The following CDK14 variants were observed in gnomAD, a reference collection of about 807,000 sequenced individuals.
The protein encoded by CDK14 is cyclin dependent kinase 14, also known as cyclin-dependent kinase 14.
CDK14 carries 34 observed loss-of-function variants against 60.7 expected under a neutral mutation model. That is an observed-to-expected ratio of 0.56 (90% confidence interval 0.43 to 0.75). The LOEUF (loss-of-function observed/expected upper bound fraction) is 0.75. CDK14 is among the 30% of genes least tolerant of loss of function. CDK14 has a pLI of 0.00. For missense variants in CDK14, 482 were observed against 564.1 expected (o/e 0.85, Z 1.47); for synonymous variants, 197 against 203.7 (o/e 0.97, Z 0.28).
At chr7:90,830,865 TCTC>T (rs889668599) in intron 5 of CDK14, among the ~76,000 whole-genome samples, 2 of 152,180 alleles carry the variant, frequency 1.3e-5, no homozygotes, top group East Asian at 1.9e-4. Context: ...ATGACACTAA[TCTC>T]CTTGCTAAAG....
chr7:91,210,093 T>C lies in CDK14; in HGVS notation c.*2957T>C, dbSNP rs545781560. On this transcript the variant is annotated 3_prime_UTR_variant, in exon 15 of 15. Coordinates refer to ENST00000380050, the MANE Select transcript of CDK14 (RefSeq NM_001287135.2). ...CTGGGGTAGATTATTGCCTGCCCCT[T>C]ATACATAGGAATATGCTGCATAATT... The C allele has an allele frequency of 6.5e-6, 1 of 152,794 alleles. No homozygotes were observed. The highest frequency in any genetic ancestry group is 2.1e-4 in the South Asian group (1 of 4,826). The allele number at this position is 152,794 out of a possible 1,614,324, so 9.5% of individuals were successfully genotyped here.
At chr7:90,719,954 G>A (rs1208341828) in intron 2 of CDK14, among the ~76,000 whole-genome samples, 1 of 152,154 alleles carries the variant, frequency 6.6e-6, no homozygotes, top group Non-Finnish European at 1.5e-5. Flanking sequence ...CTTGGGCAGA[G>A]GTGCCAAAGA....
intron 6 of CDK14, among the ~76,000 whole-genome samples, chr7:90,896,726 G>A (rs1792348669): frequency 6.6e-6 from 1 of 152,118 alleles, no homozygotes; most frequent in African/African-American, 2.4e-5. Flanking sequence ...TGCATTCATT[G>A]CCTGGGTAAT....
intron 1 of CDK14, among the ~76,000 whole-genome samples, chr7:90,601,954 G>GTATGTATGTATGTATC (rs1799325669): frequency 6.6e-6 from 1 of 151,680 alleles, no homozygotes; most frequent in African/African-American, 2.4e-5. Flanking sequence ...ATGTATGTAT[G>GTATGTATGTATGTATC]TATGTATGTA....
chr7:90,760,884 G>C (rs3802021), intron 4 of CDK14, among the ~76,000 whole-genome samples: 29,037 of 152,142 alleles, frequency 0.19, 2,887 homozygotes, highest in South Asian at 0.24. Context: ...CCTATCCTTA[G>C]CTAGTCCAAG....
intron 4 of CDK14, among the ~76,000 whole-genome samples, chr7:90,766,890 C>T (rs1804586162): frequency 6.6e-6 from 1 of 152,148 alleles, no homozygotes; most frequent in African/African-American, 2.4e-5. Context: ...AGCTCTGCCG[C>T]TCTGGCTGCT....
intron 2 of CDK14, among the ~76,000 whole-genome samples, chr7:90,716,895 A>C (rs1361894192): frequency 1.3e-5 from 2 of 152,044 alleles, no homozygotes; most frequent in Non-Finnish European, 2.9e-5. Flanking sequence ...TTCAAGGTGC[A>C]CACAAATCAC....
chr7:90,995,068 T>G (rs1445266651), intron 10 of CDK14, among the ~76,000 whole-genome samples: 1 of 152,192 alleles, frequency 6.6e-6, no homozygotes, highest in African/African-American at 2.4e-5. Context: ...GTGTAATGCT[T>G]TCCCCTTGAG....
chr7:90,748,279 C>T lies in CDK14; in HGVS notation c.464+504C>T, dbSNP rs937586739. 1.2e-4 allele frequency among the ~76,000 whole-genome samples: 18 copies of T among 152,220 alleles called. No individual in the cohort carries two copies. In the South Asian group the frequency reaches 1.7e-3, roughly 14 times the overall value. The stretch of plus-strand genomic sequence containing the variant: ...CATCATGCTGCATATATTTTCATAT[C>T]GAGAAACAACTGTCTCCTCCTTTTC... On this transcript the variant is annotated intron_variant, in intron 4 of 14. Coordinates refer to ENST00000380050, the MANE Select transcript of CDK14 (RefSeq NM_001287135.2).
rs1802222128 is a variant in CDK14 at position 90,715,654 on chromosome 7, G to GA, written c.124-10912dup. On this transcript the variant is annotated intron_variant, in intron 2 of 14. Coordinates refer to ENST00000380050, the MANE Select transcript of CDK14 (RefSeq NM_001287135.2). The stretch of plus-strand genomic sequence containing the variant: ...GAAAAAGTTTTTATTTGCAGGAATA[G>GA]ACCTTTTTTTTTTTTTTTTTTTCTA... 1.4e-4 allele frequency among the ~76,000 whole-genome samples: 15 copies of GA among 106,540 alleles called. No homozygotes were observed. The South Asian group carries it at 5.3e-3, about 38-fold the overall frequency. 69.9% of individuals were successfully genotyped at this position (106,540 alleles called of 152,430 possible).
At chr7:90,774,502 T>C (rs117199839) in intron 4 of CDK14, among the ~76,000 whole-genome samples, 1,671 of 152,326 alleles carry the variant, frequency 0.011, 13 homozygotes, top group Non-Finnish European at 0.016. Flanking sequence ...AGCCTTAAAG[T>C]AAATAATTTT....
At chr7:91,145,686 A>G (rs2115648420) in intron 14 of CDK14, among the ~76,000 whole-genome samples, 1 of 152,356 alleles carries the variant, frequency 6.6e-6, no homozygotes, top group East Asian at 1.9e-4. Context: ...GTGAGCAGGC[A>G]TAACTGTCTT....
intron 4 of CDK14, among the ~76,000 whole-genome samples, chr7:90,757,795 GT>G (rs1446731897): frequency 6.6e-6 from 1 of 152,008 alleles, no homozygotes; most frequent in African/African-American, 2.4e-5. Flanking sequence ...TAGAGACGGG[GT>G]TTTGCCATGT....
chr7:91,102,290 A>G (rs1799167510), intron 12 of CDK14, among the ~76,000 whole-genome samples: 1 of 152,226 alleles, frequency 6.6e-6, no homozygotes, highest in Non-Finnish European at 1.5e-5. Flanking sequence ...AAAGCACACT[A>G]TTATGCTTCA....
At chr7:90,820,665 A>G (rs2117075881) in intron 5 of CDK14, among the ~76,000 whole-genome samples, 1 of 152,294 alleles carries the variant, frequency 6.6e-6, no homozygotes, top group Admixed American at 6.5e-5. Context: ...TAGCAGTGTG[A>G]AAACAGACTA....
chr7:90,796,449 G>GA (rs1788438361), intron 5 of CDK14, among the ~76,000 whole-genome samples: 2 of 152,238 alleles, frequency 1.3e-5, no homozygotes, highest in Admixed American at 1.3e-4. Flanking sequence ...TTGACTGAGT[G>GA]AAAAAATAGG....
rs747439482 is a variant in CDK14, at chr7:90,874,503, C to CTTTTTTTTTTTTTT, written c.639+11257_639+11270dup. Among the ~76,000 whole-genome samples the CTTTTTTTTTTTTTT allele has an allele frequency of 1.0e-4, 5 of 48,010 alleles. 2 individuals are homozygous for CTTTTTTTTTTTTTT. The highest frequency in any genetic ancestry group is 2.0e-4 in the Non-Finnish European group (5 of 25,602). 31.5% of individuals were successfully genotyped at this position (48,010 alleles called of 152,430 possible). A position where few individuals can be genotyped will look rare whatever the true frequency, so the allele number is the denominator to read the frequency against. ...ATCTGGAATCTCATGTCCTTTCATC[C>CTTTTTTTTTTTTTT]TTTTTTTTTTTTTTTTTTTTTTTTT... On this transcript the variant is annotated intron_variant, in intron 6 of 14. Coordinates refer to ENST00000380050, the MANE Select transcript of CDK14 (RefSeq NM_001287135.2).
chr7:90,938,212 A>G (rs1793813354), intron 8 of CDK14, among the ~76,000 whole-genome samples: 2 of 152,228 alleles, frequency 1.3e-5, no homozygotes, highest in African/African-American at 4.8e-5. Context: ...CCTGTACTAA[A>G]TGGCAATCCT....
At chr7:91,054,989 G>T (rs1278953013) in intron 11 of CDK14, among the ~76,000 whole-genome samples, 1 of 152,072 alleles carries the variant, frequency 6.6e-6, no homozygotes, top group East Asian at 1.9e-4. Flanking sequence ...AAAAAGTCAC[G>T]GACTCATTTC....
Sources: allele counts gnomAD v4.1 joint callset (sites outside exome capture counted in the v4.1 genomes callset), GRCh38; gene constraint gnomAD v4.1.1; transcripts MANE v1.5; gene names NCBI Gene and HGNC (gene_info 2026-07-23, HGNC 2026-07-21).